Variants in OSBPL10 observed in about 807,000 individuals in gnomAD.
OSBPL10 encodes the protein oxysterol binding protein like 10.
Under a neutral mutation model 81.7 loss-of-function variants are expected in OSBPL10, and 49 were observed. The ratio of observed to expected loss-of-function variants is 0.60; its 90% CI spans 0.48 to 0.76. OSBPL10 has a LOEUF of 0.76. OSBPL10 is among the 30% of genes least tolerant of loss of function. OSBPL10 has a pLI of 0.00. For missense variants in OSBPL10, 923 were observed against 987.8 expected (o/e 0.93, Z 0.88); for synonymous variants, 419 against 383.6 (o/e 1.09, Z -1.08).
intron 3 of OSBPL10, among the ~76,000 whole-genome samples, chr3:31,870,882 T>C (rs900633537): frequency 2.1e-4 from 32 of 152,180 alleles, no homozygotes; most frequent in African/African-American, 7.7e-4. Context: ...AGTACACCAA[T>C]CGACACTCTG....
In OSBPL10 at chr3:32,061,184, G is replaced by A. The variant is rs1273942128; in HGVS notation, n.186-14581C>T. 6.5e-4 allele frequency among the ~76,000 whole-genome samples: 59 copies of A among 90,648 alleles called. 23 individuals carry two copies. The highest frequency in any genetic ancestry group is 4.5e-3 in the South Asian group (10 of 2,244). The allele number at this position is 90,648 out of a possible 152,430, so 59.5% of individuals were successfully genotyped here. A position where few individuals can be genotyped will look rare whatever the true frequency, so the allele number is the denominator to read the frequency against. On this transcript the variant is annotated intron_variant and non_coding_transcript_variant, in intron 1 of 3. Transcript: ENST00000479173. ...AAGCTAAACTGAGTTAGGCCCTTCT[G>A]CTCTGTCCCCTGAGCACCCCACAGC...
At chr3:31,852,596 G>A (rs966603951) in intron 3 of OSBPL10, among the ~76,000 whole-genome samples, 1 of 133,718 alleles carries the variant, frequency 7.5e-6, no homozygotes, top group African/African-American at 2.8e-5. Context: ...TGTTTGTTTT[G>A]AGACAGGGTT....
At chr3:31,897,540 T>TGTTGG (rs1332632817) in intron 1 of OSBPL10, among the ~76,000 whole-genome samples, 3 of 152,166 alleles carry the variant, frequency 2.0e-5, no homozygotes, top group African/African-American at 7.2e-5. Flanking sequence ...TTGAAAGATC[T>TGTTGG]CACTTAGTGC....
intron 4 of OSBPL10, among the ~76,000 whole-genome samples, chr3:31,788,354 T>TA (rs1698913212): frequency 6.6e-6 from 1 of 152,224 alleles, no homozygotes; most frequent in African/African-American, 2.4e-5. Flanking sequence ...TCAAAACAAG[T>TA]ATCAAAGAAA....
chr3:31,769,460 A>AC (rs1360178161), intron 4 of OSBPL10, among the ~76,000 whole-genome samples: 7,058 of 81,180 alleles, frequency 0.087, 2,359 homozygotes, highest in East Asian at 0.15. Flanking sequence ...AAAAAAAAAC[A>AC]AAAAAAAAAC....
chr3:31,943,698 T>C (rs1697601465), intron 1 of OSBPL10, among the ~76,000 whole-genome samples: 1 of 152,162 alleles, frequency 6.6e-6, no homozygotes, highest in African/African-American at 2.4e-5. Context: ...CCGGGCACAG[T>C]GGCTCATGCC....
At chr3:31,731,330 C>T (rs1372721978) in intron 6 of OSBPL10, among the ~76,000 whole-genome samples, 2 of 152,130 alleles carry the variant, frequency 1.3e-5, no homozygotes, top group Non-Finnish European at 2.9e-5. Flanking sequence ...TACATGGAAT[C>T]AAACAAAATC....
rs1696612451 is a variant in OSBPL10, at chr3:31,720,705, C to T, written c.1095+12552G>A. On this transcript the variant is annotated intron_variant, in intron 6 of 11. Transcript: ENST00000396556. The stretch of plus-strand genomic sequence containing the variant: ...TCTGAGCTCAGGAGTTCGAGACCAG[C>T]CTGGGCAACATGGCAACACCCCATC... Among the ~76,000 whole-genome samples the T allele has an allele frequency of 2.6e-5, 4 of 151,840 alleles. No individual in the cohort carries two copies. In the South Asian group the frequency reaches 8.4e-4, roughly 32 times the overall value.
intron 8 of OSBPL10, among the ~76,000 whole-genome samples, chr3:31,672,756 C>T (rs889361137): frequency 6.6e-6 from 1 of 152,026 alleles, no homozygotes; most frequent in African/African-American, 2.4e-5. Context: ...CCCAAGCTGA[C>T]ATGCTAGTAT....
intron 1 of OSBPL10, among the ~76,000 whole-genome samples, chr3:31,908,589 G>T (rs1027125576): frequency 3.3e-5 from 5 of 152,106 alleles, no homozygotes; most frequent in Non-Finnish European, 7.4e-5. Context: ...TAATTGTGTC[G>T]GATGTAGTTC....
At chr3:32,026,200 C>T (rs1053325541) in intron 2 of OSBPL10, among the ~76,000 whole-genome samples, 1 of 152,072 alleles carries the variant, frequency 6.6e-6, no homozygotes, top group Non-Finnish European at 1.5e-5. Flanking sequence ...TGCAATGTCA[C>T]AATCATAGTT....
chr3:31,983,755 T>C (rs991245946), upstream of OSBPL10, among the ~76,000 whole-genome samples: 2 of 152,116 alleles, frequency 1.3e-5, no homozygotes, highest in African/African-American at 4.8e-5. Context: ...GTATAGCAAA[T>C]AGGGAAAAGG....
intron 2 of OSBPL10, chr3:32,030,787 A>C (rs897609462): frequency 1.7e-6 from 1 of 587,476 alleles, no homozygotes; most frequent in Middle Eastern, 4.6e-4. Flanking sequence ...GTTTGGAAAC[A>C]CATTTTCTCC....
intron 5 of OSBPL10, among the ~76,000 whole-genome samples, chr3:31,744,571 A>G (rs1173811614): frequency 2.0e-5 from 3 of 150,552 alleles, no homozygotes; most frequent in African/African-American, 4.9e-5. Context: ...GAAAGAAAAG[A>G]AGGAGAGTGG....
intron 2 of OSBPL10, 24 bp downstream of exon 2, chr3:31,879,631 A>G (rs1268208483): frequency 1.3e-6 from 2 of 1,588,076 alleles, no homozygotes; most frequent in East Asian, 4.5e-5. Flanking sequence ...GCCTGTCTGA[A>G]AAGTTACTGG....
At chr3:32,026,613 G>T (rs1699417188) in intron 2 of OSBPL10, among the ~76,000 whole-genome samples, 1 of 152,202 alleles carries the variant, frequency 6.6e-6, no homozygotes, top group Non-Finnish European at 1.5e-5. Context: ...ATGGCCGGGA[G>T]AGAAAGACGC....
At chr3:31,803,193 C>A (rs1274319498) in intron 4 of OSBPL10, among the ~76,000 whole-genome samples, 2 of 152,106 alleles carry the variant, frequency 1.3e-5, no homozygotes, top group African/African-American at 2.4e-5. Flanking sequence ...GTTCCACTTC[C>A]ACATGCCAAG....
intron 1 of OSBPL10, among the ~76,000 whole-genome samples, chr3:31,918,556 C>T (rs893242110): frequency 4.6e-5 from 7 of 152,090 alleles, no homozygotes; most frequent in East Asian, 1.9e-4. Flanking sequence ...GATAGTAAGG[C>T]GGTCATCACT....
chr3:32,074,321 C>T lies in OSBPL10; in HGVS notation n.185+3075G>A, dbSNP rs138454458. On this transcript the variant is annotated intron_variant and non_coding_transcript_variant, in intron 1 of 3. Transcript: ENST00000479173. ...ACGCCCCCATATTTGGACTGCTAAC[C>T]ACGCAAACAACTATCCCTGTTGCCA... 6.6e-5 allele frequency among the ~76,000 whole-genome samples: 10 copies of T among 152,224 alleles called. No homozygotes were observed. In the East Asian group the frequency reaches 1.9e-3, roughly 29 times the overall value.
Sources: allele counts gnomAD v4.1 joint callset (sites outside exome capture counted in the v4.1 genomes callset), GRCh38; gene constraint gnomAD v4.1.1; transcripts MANE v1.5; gene names NCBI Gene and HGNC (gene_info 2026-07-23, HGNC 2026-07-21).